The following FER1L5 variants were observed in gnomAD, a reference collection of about 807,000 sequenced individuals.
FER1L5 encodes fer-1-like protein 5.
In FER1L5, 187 loss-of-function variants were observed where a neutral mutation model predicts 279.9. The observed-to-expected ratio is 0.67, with a 90% confidence interval of 0.59 to 0.75. The LOEUF (loss-of-function observed/expected upper bound fraction) is 0.75, where lower values mean the gene tolerates loss of function less well. Ranked by LOEUF, FER1L5 falls within the 30% of genes least tolerant of loss-of-function variation. FER1L5 has a pLI of 0.00. For synonymous variants in FER1L5, 921 were observed against 989.7 expected (o/e 0.93, Z 1.30); for missense variants, 2,091 against 2,594.4 (o/e 0.81, Z 4.21).
At chr2:96,671,642 G>A (rs1383570267) in intron 18 of FER1L5, among the ~76,000 whole-genome samples, 2 of 152,320 alleles carry the variant, frequency 1.3e-5, no homozygotes, top group South Asian at 4.1e-4. Context: ...TTGAACCTGT[G>A]GTAGTGGAAG....
chr2:96,651,630 A>G (rs140360420), intron 6 of FER1L5, among the ~76,000 whole-genome samples: 3,764 of 151,956 alleles, frequency 0.025, 168 homozygotes, highest in African/African-American at 0.086. Flanking sequence ...CCTCCTGAGT[A>G]GCTGGGATTA....
intron 19 of FER1L5, among the ~76,000 whole-genome samples, chr2:96,682,533 T>C (rs1017703726): frequency 1.1e-4 from 16 of 152,176 alleles, no homozygotes; most frequent in African/African-American, 3.9e-4. Flanking sequence ...AGTTGATGGG[T>C]TAGGACTATG....
chr2:96,689,851 G>T lies in FER1L5; in HGVS notation c.2640+93G>T. 1 of 1,105,990 alleles carries T rather than the reference G, an allele frequency of 9.0e-7. No individual in the cohort carries two copies. 68.5% of individuals were successfully genotyped at this position (1,105,990 alleles called of 1,614,324 possible). A position where few individuals can be genotyped will look rare whatever the true frequency, so the allele number is the denominator to read the frequency against. ...CTGGGGGTCCCAGTGGAAAGGGTCTGAGCCCTATGCCCTGCACTATGTGTG... is the reference window on the plus strand; with the variant it reads ...CTGGGGGTCCCAGTGGAAAGGGTCTTAGCCCTATGCCCTGCACTATGTGTG... On this transcript the variant is annotated intron_variant, in intron 26 of 52. Transcript: ENST00000624922. The surrounding 1 kb of genome is among the most constrained non-coding windows in gnomAD (Gnocchi z 4.6).
chr2:96,669,739 C>T (rs1398905272), intron 17 of FER1L5, among the ~76,000 whole-genome samples: 1 of 152,166 alleles, frequency 6.6e-6, no homozygotes, highest in Non-Finnish European at 1.5e-5. Context: ...GCAGGGAAGG[C>T]CAGGGAAGCA....
At chr2:96,662,146 G>T (rs1553450417) in intron 12 of FER1L5, 69 bp from the exon 13 acceptor site, 2 of 1,477,476 alleles carry the variant, frequency 1.4e-6, no homozygotes, top group Non-Finnish European at 9.3e-7. Context: ...CAGTTGTTCT[G>T]TCGCCACCCT....
At chr2:96,678,291 G>A (rs553952110) in intron 19 of FER1L5, among the ~76,000 whole-genome samples, 6 of 151,806 alleles carry the variant, frequency 4.0e-5, no homozygotes, top group South Asian at 2.1e-4. Context: ...CACCACGCCC[G>A]GCTAGATTTT....
chr2:96,654,362 T>C, intron 8 of FER1L5, 84 bp from the exon 9 acceptor site: 1 of 397,688 alleles, frequency 2.5e-6, no homozygotes, highest in Non-Finnish European at 4.4e-6. Context: ...AGGATCCTGG[T>C]TGTGCCTTTG....
intron 4 of FER1L5, 63 bp downstream of exon 4, chr2:96,647,949 G>A (rs912180534): frequency 2.0e-5 from 26 of 1,301,502 alleles, no homozygotes; most frequent in South Asian, 1.3e-4. Context: ...CTGGTGAAGC[G>A]GCCCACACCA....
chr2:96,659,462 T>TTTCTTTCTTTCTTTCTTTC (rs1558855131), intron 9 of FER1L5, among the ~76,000 whole-genome samples: 48 of 27,670 alleles, frequency 1.7e-3, no homozygotes, highest in Non-Finnish European at 2.5e-3. Context: ...TCTTTCTTTC[T>TTTCTTTCTTTCTTTCTTTC]TTCTTTCTTT....
chr2:96,662,317 G>A lies in FER1L5; in HGVS notation c.1071+50G>A, dbSNP rs562104134. The A allele has an allele frequency of 3.3e-5, 51 of 1,532,394 alleles. No homozygotes were observed. The Middle Eastern group carries it at 5.0e-4, about 15-fold the overall frequency. 94.9% of individuals were successfully genotyped at this position (1,532,394 alleles called of 1,614,324 possible). On this transcript the variant is annotated intron_variant, in intron 13 of 52. Coordinates refer to ENST00000624922, the MANE Select transcript of FER1L5 (RefSeq NM_001293083.2). The stretch of plus-strand genomic sequence containing the variant: ...CCAGAGAGATTGGCATCTAGAGAAA[G>A]TAGTTTGGAGAGGAGGGTGGCCTGG...
At position 96,704,752 on chromosome 2, in the gene FER1L5, C is replaced by T. The variant is rs2077724172; in HGVS notation, c.*60C>T. ...AACAGCCCTCCCCTTGGGCTGGCTA[C>T]CAGTTCTTTGTTTCTATCTTCTAGA... On this transcript the variant is annotated 3_prime_UTR_variant, in exon 53 of 53. Transcript: ENST00000624922. 1 of 1,341,902 alleles carries T rather than the reference C, an allele frequency of 7.5e-7. No individual in the cohort carries two copies. The highest frequency in any genetic ancestry group is 2.3e-5 in the East Asian group (1 of 43,478). 83.1% of individuals were successfully genotyped at this position (1,341,902 alleles called of 1,614,324 possible).
chr2:96,681,154 C>G (rs2076709702), intron 19 of FER1L5, among the ~76,000 whole-genome samples: 1 of 152,086 alleles, frequency 6.6e-6, no homozygotes, highest in South Asian at 2.1e-4. Flanking sequence ...TTAAAGTGGT[C>G]TCAGGTAGTT....
At chr2:96,675,412 T>TTTTA in intron 19 of FER1L5, among the ~76,000 whole-genome samples, 1 of 152,290 alleles carries the variant, frequency 6.6e-6, no homozygotes, top group Admixed American at 6.5e-5. Flanking sequence ...GCCCAGCCTT[T>TTTTA]TTTAAAAAAA....
At chr2:96,671,286 G>T (rs2076322322) in intron 18 of FER1L5, among the ~76,000 whole-genome samples, 1 of 152,054 alleles carries the variant, frequency 6.6e-6, no homozygotes, top group East Asian at 1.9e-4. Flanking sequence ...GCAATGGACT[G>T]GAGGAGAGTA....
Position 96,704,064 on chromosome 2 carries a change from C to T in FER1L5, c.5802-151C>T, listed in dbSNP as rs1048962237. ...CTCCTGACCTCAGGTGATCCACTCA[C>T]CTCGGCCTCCCAAAATGCTGGGATT... On this transcript the variant is annotated intron_variant, in intron 51 of 52. Coordinates refer to ENST00000624922, the MANE Select transcript of FER1L5 (RefSeq NM_001293083.2). 6 of 913,542 alleles carry T rather than the reference C, an allele frequency of 6.6e-6. No homozygotes were observed. In the Admixed American group the frequency reaches 8.6e-5, roughly 13 times the overall value. 56.6% of individuals were successfully genotyped at this position (913,542 alleles called of 1,614,324 possible). A position where few individuals can be genotyped will look rare whatever the true frequency, so the allele number is the denominator to read the frequency against.
intron 19 of FER1L5, among the ~76,000 whole-genome samples, chr2:96,678,630 T>C (rs2076600325): frequency 6.9e-6 from 1 of 145,256 alleles, no homozygotes; most frequent in Non-Finnish European, 1.5e-5. Context: ...ACGGAGTTTC[T>C]CCATTTTGTC....
rs1461509065 is a variant in FER1L5, at chr2:96,661,743, A to G, written c.970A>G (p.Met324Val). 1.3e-6 allele frequency: 2 copies of G among 1,551,576 alleles called. No homozygotes were observed. Among genetic ancestry groups the G allele is most frequent in the Non-Finnish European group, 1.7e-6 (2 of 1,146,992 alleles). Residue 324 changes from methionine (M) to valine (V), a missense_variant, in exon 12 of 53, where the codon ATG becomes GTG. Met to Val is a conservative substitution (Grantham distance 21). Coordinates refer to ENST00000624922, the MANE Select transcript of FER1L5 (RefSeq NM_001293083.2). ...IFKSAVVPIN[M>V]AYLQLFIYCA... ...CAAGTCAGCGGTAGTCCCGATCAAC[A>G]TGGCTTACTTACAGCTCTTCATCTA...
intron 19 of FER1L5, among the ~76,000 whole-genome samples, chr2:96,674,765 C>T (rs1029126675): frequency 1.3e-5 from 2 of 152,014 alleles, no homozygotes; most frequent in African/African-American, 2.4e-5. Context: ...GAGCCAAGAT[C>T]GCACCACTGC....
intron 9 of FER1L5, among the ~76,000 whole-genome samples, chr2:96,657,568 C>T (rs1236549116): frequency 2.0e-5 from 3 of 152,284 alleles, no homozygotes; most frequent in African/African-American, 2.4e-5. Context: ...GGAATCACTC[C>T]GTCTCATTCC....
Sources: gnomAD v4.1 joint callset for allele counts (sites outside exome capture counted in the v4.1 genomes callset) on GRCh38, gnomAD v4.1.1 for gene constraint, Gnocchi (gnomAD v3.1) non-coding constraint, MANE v1.5 for transcripts, NCBI Gene and HGNC (gene_info 2026-07-23, HGNC 2026-07-21) for gene names.